CTNNA3: variants seen among roughly 807,000 people sequenced by gnomAD.
The protein encoded by CTNNA3 is catenin alpha 3, also known as catenin alpha-3.
A neutral mutation model predicts 95.7 loss-of-function variants in CTNNA3; 76 were observed. The ratio of observed to expected loss-of-function variants is 0.79; its 90% CI spans 0.66 to 0.96. The LOEUF (loss-of-function observed/expected upper bound fraction) is 0.96. Ranked by LOEUF, CTNNA3 falls within the 40% of genes least tolerant of loss-of-function variation. The pLI is 0.00. For missense variants in CTNNA3, 1,191 were observed against 1,089.8 expected (o/e 1.09, Z -1.31); for synonymous variants, 431 against 374.4 (o/e 1.15, Z -1.74).
At chr10:66,895,799 C>T (rs1360925241) in intron 7 of CTNNA3, among the ~76,000 whole-genome samples, 1 of 151,366 alleles carries the variant, frequency 6.6e-6, no homozygotes, top group African/African-American at 2.4e-5. Flanking sequence ...ATAGTTGGGC[C>T]AGGCATGGTG....
At chr10:67,694,606 A>C (rs558180918) in intron 1 of CTNNA3, among the ~76,000 whole-genome samples, 3 of 152,304 alleles carry the variant, frequency 2.0e-5, no homozygotes, top group Admixed American at 6.5e-5. Flanking sequence ...AATTATATTC[A>C]TTCACTTGAA....
At chr10:66,527,006 C>G (rs1194465146) in intron 10 of CTNNA3, among the ~76,000 whole-genome samples, 1 of 152,026 alleles carries the variant, frequency 6.6e-6, no homozygotes, top group African/African-American at 2.4e-5. Context: ...ATTGCCAAAT[C>G]TGATGTCACG....
At chr10:66,474,772 C>G (rs1554971077) in intron 11 of CTNNA3, among the ~76,000 whole-genome samples, 1 of 151,966 alleles carries the variant, frequency 6.6e-6, no homozygotes, top group African/African-American at 2.4e-5. Context: ...GTAGTTTTGA[C>G]TGAATTTCCC....
intron 5 of CTNNA3, among the ~76,000 whole-genome samples, chr10:67,365,783 G>A (rs917073329): frequency 6.6e-6 from 1 of 152,222 alleles, no homozygotes; most frequent in Non-Finnish European, 1.5e-5. Flanking sequence ...TGATGGGAGT[G>A]TAAATTAGTT....
intron 5 of CTNNA3, among the ~76,000 whole-genome samples, chr10:67,498,591 G>A (rs1320999640): frequency 6.6e-6 from 1 of 152,102 alleles, no homozygotes; most frequent in Non-Finnish European, 1.5e-5. Flanking sequence ...CCATTTGTTT[G>A]TGTCCTCTCT....
intron 7 of CTNNA3, among the ~76,000 whole-genome samples, chr10:66,849,442 T>G (rs1485314142): frequency 2.0e-5 from 3 of 152,212 alleles, no homozygotes; most frequent in Admixed American, 6.6e-5. Context: ...GCTGGTATAG[T>G]AGATTGAATA....
At chr10:67,726,161 A>C (rs1480618193) in intron 1 of CTNNA3, among the ~76,000 whole-genome samples, 3 of 99,710 alleles carry the variant, frequency 3.0e-5, no homozygotes, top group Non-Finnish European at 5.3e-5. Context: ...TATAATATAT[A>C]ATCTTATATA....
chr10:66,501,522 T>G (rs1369938498), intron 11 of CTNNA3, among the ~76,000 whole-genome samples: 1 of 152,168 alleles, frequency 6.6e-6, no homozygotes, highest in Non-Finnish European at 1.5e-5. Flanking sequence ...TGAATAGTAA[T>G]TGCTCAATAA....
chr10:67,719,096 T>C (rs1306312183), intron 1 of CTNNA3, among the ~76,000 whole-genome samples: 2 of 152,174 alleles, frequency 1.3e-5, no homozygotes, highest in African/African-American at 4.8e-5. Context: ...TGCATAGAGG[T>C]GTTTACAGTA....
intron 10 of CTNNA3, among the ~76,000 whole-genome samples, chr10:66,576,629 G>A (rs1430914403): frequency 6.6e-6 from 1 of 152,048 alleles, no homozygotes; most frequent in Non-Finnish European, 1.5e-5. Flanking sequence ...ATGACCTCCA[G>A]CTACATTTCA....
intron 11 of CTNNA3, among the ~76,000 whole-genome samples, chr10:66,453,438 G>A (rs1397401836): frequency 6.6e-6 from 1 of 152,212 alleles, no homozygotes; most frequent in African/African-American, 2.4e-5. Context: ...GCAGAACCAG[G>A]TAACTAAAGC....
chr10:66,512,177 A>C (rs1840686307), intron 11 of CTNNA3, among the ~76,000 whole-genome samples: 1 of 151,784 alleles, frequency 6.6e-6, no homozygotes, highest in Non-Finnish European at 1.5e-5. Context: ...ATTTTGTCTG[A>C]TATAAGTTTG....
intron 6 of CTNNA3, among the ~76,000 whole-genome samples, chr10:67,217,387 T>G (rs1037724133): frequency 1.2e-4 from 18 of 152,200 alleles, no homozygotes; most frequent in African/African-American, 3.9e-4. Flanking sequence ...AACTTAGGCA[T>G]TTTTTACTAG....
At chr10:67,052,470 A>G (rs1267430924) in intron 7 of CTNNA3, 1 of 152,214 alleles carries the variant, frequency 6.6e-6, no homozygotes, top group Non-Finnish European at 1.5e-5. Context: ...TCTAATCCAA[A>G]TAATATTTCC....
chr10:66,201,516 C>T (rs978895447), intron 13 of CTNNA3, among the ~76,000 whole-genome samples: 1 of 152,152 alleles, frequency 6.6e-6, no homozygotes, highest in Admixed American at 6.5e-5. Flanking sequence ...TCCTTCTCCT[C>T]CAACAGCCAA....
chr10:67,702,029 A>C (rs969498875), intron 1 of CTNNA3, among the ~76,000 whole-genome samples: 6 of 152,178 alleles, frequency 3.9e-5, no homozygotes, highest in African/African-American at 1.4e-4. Context: ...GAGACAAAGA[A>C]GGCCATTACA....
chr10:67,109,893 A>G (rs1307386324), intron 7 of CTNNA3, among the ~76,000 whole-genome samples: 2 of 152,166 alleles, frequency 1.3e-5, no homozygotes, highest in African/African-American at 4.8e-5. Flanking sequence ...GAATTTCAGA[A>G]CATGTCCGTA....
chr10:67,343,571 T>C (rs1432582549), intron 5 of CTNNA3, among the ~76,000 whole-genome samples: 1 of 152,204 alleles, frequency 6.6e-6, no homozygotes, highest in African/African-American at 2.4e-5. Flanking sequence ...TGTTGGCATA[T>C]AGAAATGCTA....
At chr10:67,315,149 C>T (rs1318524881) in intron 5 of CTNNA3, among the ~76,000 whole-genome samples, 2 of 152,190 alleles carry the variant, frequency 1.3e-5, no homozygotes, top group Non-Finnish European at 2.9e-5. Context: ...GTCATAATTG[C>T]CATCTTTATT....
Sources: gnomAD v4.1 joint callset for allele counts (sites outside exome capture counted in the v4.1 genomes callset) on GRCh38, gnomAD v4.1.1 for gene constraint, MANE v1.5 for transcripts, NCBI Gene and HGNC (gene_info 2026-07-23, HGNC 2026-07-21) for gene names.